The following TENM1 variants were observed in gnomAD, a reference collection of about 807,000 sequenced individuals.
The protein encoded by TENM1 is teneurin transmembrane protein 1.
A neutral mutation model predicts 174.8 loss-of-function variants in TENM1; 35 were observed. The observed-to-expected ratio is 0.20, with a 90% CI of 0.15 to 0.27. TENM1 has a LOEUF of 0.27. Ranked by LOEUF, TENM1 falls within the 10% of genes least tolerant of loss-of-function variation. The pLI is 1.00. For synonymous variants in TENM1, 781 were observed against 798.7 expected (o/e 0.98, Z 0.37); for missense variants, 1,633 against 2,130.1 (o/e 0.77, Z 4.59).
chrX:124,705,287 G>C (rs16994522), intron 4 of TENM1, 36 bp from the exon 8 acceptor site: 18,294 of 1,060,775 alleles, frequency 0.017, 160 homozygotes, highest in African/African-American at 0.056. Context: ...GCTATAAAAA[G>C]CAAAGCCAGT....
chrX:125,146,429 T>C, the TENM1 span, among the ~76,000 whole-genome samples: 1 of 111,754 alleles, frequency 8.9e-6, no homozygotes, highest in South Asian at 3.7e-4. Context: ...TTCCTCCTTT[T>C]ATTTCTCTAT....
intron 11 of TENM1, among the ~76,000 whole-genome samples, 168 bp from the exon 15 acceptor site, chrX:124,565,728 T>C (rs764624496): frequency 9.0e-5 from 10 of 111,708 alleles, no homozygotes; most frequent in Non-Finnish European, 1.5e-4. Context: ...GGTCTTGAAC[T>C]TCTGGCCTCA....
chrX:125,005,574 T>C, the TENM1 span, among the ~76,000 whole-genome samples: 418 of 110,408 alleles, frequency 3.8e-3, 2 homozygotes, highest in African/African-American at 0.013. Context: ...ATTCCAATGA[T>C]AGAAACTAAG....
At chrX:124,854,129 G>A (rs1029810878) in intron 3 of TENM1, among the ~76,000 whole-genome samples, 2 of 111,169 alleles carry the variant, frequency 1.8e-5, no homozygotes, top group African/African-American at 6.5e-5. Flanking sequence ...AAGAAACTAT[G>A]AAGTTAGGGT....
chrX:124,768,084 G>A (rs895571536), intron 3 of TENM1, among the ~76,000 whole-genome samples: 9 of 111,376 alleles, frequency 8.1e-5, no homozygotes, highest in African/African-American at 2.6e-4. Flanking sequence ...TAAAACACAC[G>A]AACCACAGCT....
chrX:124,983,950 A>G, the TENM1 span, among the ~76,000 whole-genome samples: 1 of 111,928 alleles, frequency 8.9e-6, no homozygotes, highest in African/African-American at 3.2e-5. Flanking sequence ...ACAGATATAT[A>G]ATCACATTAA....
At chrX:124,698,082 A>C (rs1478941037) in intron 5 of TENM1, among the ~76,000 whole-genome samples, 2 of 111,264 alleles carry the variant, frequency 1.8e-5, no homozygotes, top group Non-Finnish European at 3.8e-5. Flanking sequence ...CAATCTTTCT[A>C]GTTGTTTCTT....
intron 11 of TENM1, among the ~76,000 whole-genome samples, chrX:124,616,669 C>T (rs1415998189): frequency 8.9e-6 from 1 of 112,170 alleles, no homozygotes; most frequent in Non-Finnish European, 1.9e-5. Context: ...CATACTGGAC[C>T]CTCTAGAACT....
intron 20 of TENM1, among the ~76,000 whole-genome samples, chrX:124,490,377 C>T (rs2047040587): frequency 9.0e-6 from 1 of 111,550 alleles, no homozygotes; most frequent in African/African-American, 3.3e-5. Context: ...ATGGCCATTT[C>T]TGAGATATTT....
At position 124,928,012 on chromosome X, in the gene TENM1, T is replaced by C. The variant is rs770174537; in HGVS notation, c.218-31771A>G. On this transcript the variant is annotated intron_variant, in intron 1 of 31. Coordinates refer to ENST00000422452, the Ensembl canonical transcript of TENM1. Reference sequence around the variant, plus strand: ...GACAACCAGTGTCATTTGATGATGATGTAAATATGATCAATTTTATACTAA... The same window carrying C: ...GACAACCAGTGTCATTTGATGATGACGTAAATATGATCAATTTTATACTAA... Among the ~76,000 whole-genome samples the C allele has an allele frequency of 6.3e-5, 7 of 111,962 alleles. No individual in the cohort carries two copies. The South Asian group carries it at 2.6e-3, about 41-fold the overall frequency.
chrX:125,110,128 TA>T, the TENM1 span, among the ~76,000 whole-genome samples: 1 of 111,704 alleles, frequency 9.0e-6, no homozygotes, highest in South Asian at 3.8e-4. Flanking sequence ...TTATGTACAT[TA>T]TCTCATTCAA....
chrX:124,896,030 T>C (rs1433660880), exon 2 of TENM1: 2 of 1,211,802 alleles, frequency 1.7e-6, no homozygotes, highest in East Asian at 3.0e-5. Context: ...TCAAGGATAA[T>C]GCAGAGTTGG....
intron 20 of TENM1, among the ~76,000 whole-genome samples, chrX:124,489,818 C>A (rs1050424550): frequency 1.8e-5 from 2 of 111,363 alleles, no homozygotes; most frequent in African/African-American, 6.5e-5. Flanking sequence ...TTTTCATATT[C>A]CTGGCCAGAA....
chrX:124,937,053 G>GA (rs774928525), intron 1 of TENM1, among the ~76,000 whole-genome samples: 18,093 of 66,556 alleles, frequency 0.27, 2,238 homozygotes, highest in African/African-American at 0.51. Context: ...CCTCAAAAAA[G>GA]AAAAAAAAAA....
intron 5 of TENM1, among the ~76,000 whole-genome samples, chrX:124,680,362 G>A (rs1312535755): frequency 1.8e-5 from 2 of 111,122 alleles, no homozygotes; most frequent in Non-Finnish European, 3.8e-5. Flanking sequence ...TCCCAGTTCT[G>A]TATTATATTA....
chrX:124,453,043 A>C (rs1372514774), intron 23 of TENM1, among the ~76,000 whole-genome samples: 2 of 111,728 alleles, frequency 1.8e-5, no homozygotes, highest in Non-Finnish European at 3.8e-5. Context: ...CTTATCTTGG[A>C]AATATTCAAT....
chrX:124,925,205 G>C (rs1173999581), intron 1 of TENM1, among the ~76,000 whole-genome samples: 2 of 110,093 alleles, frequency 1.8e-5, no homozygotes, highest in African/African-American at 6.6e-5. Context: ...ATAATGTTGT[G>C]CTTAAGAATA....
intron 1 of TENM1, among the ~76,000 whole-genome samples, chrX:124,935,411 T>C (rs954695433): frequency 9.0e-6 from 1 of 111,726 alleles, no homozygotes; most frequent in Non-Finnish European, 1.9e-5. Flanking sequence ...TTAACTCAGA[T>C]GTCATATCTT....
rs1210278618 is a variant in TENM1, at chrX:124,580,840, A to T, written c.2078-15280T>A. 2.7e-5 allele frequency among the ~76,000 whole-genome samples: 3 copies of T among 110,133 alleles called. No individual in the cohort carries two copies. In the South Asian group the frequency reaches 1.2e-3, roughly 44 times the overall value. On this transcript the variant is annotated intron_variant, in intron 11 of 31. Coordinates refer to ENST00000422452, the Ensembl canonical transcript of TENM1. ...ATCCTGTAATCCAGGCACTGAGCATACTACCCAACAGCTAGTTTTCAACCC... is the reference window on the plus strand; with the variant it reads ...ATCCTGTAATCCAGGCACTGAGCATTCTACCCAACAGCTAGTTTTCAACCC...
Sources: gnomAD v4.1 joint callset for allele counts (sites outside exome capture counted in the v4.1 genomes callset) on GRCh38, gnomAD v4.1.1 for gene constraint, MANE v1.5 for transcripts, NCBI Gene and HGNC (gene_info 2026-07-23, HGNC 2026-07-21) for gene names.